PREP: variants seen among roughly 807,000 people sequenced by gnomAD.
PREP encodes the protein dJ355L5.1 (prolyl endopeptidase).
In PREP, 29 loss-of-function variants were observed where a neutral mutation model predicts 87.6. That is an observed-to-expected ratio of 0.33 (90% CI 0.25 to 0.45). The LOEUF is 0.45. Among genes scored for constraint, PREP ranks in the 20% least tolerant of loss-of-function variants. PREP has a pLI of 1.00. For missense variants in PREP, 695 were observed against 886.5 expected (o/e 0.78, Z 2.74); for synonymous variants, 337 against 328.6 (o/e 1.03, Z -0.28).
chr6:105,354,038 T>A (rs962022266), intron 6 of PREP, among the ~76,000 whole-genome samples: 1 of 152,180 alleles, frequency 6.6e-6, no homozygotes, highest in African/African-American at 2.4e-5. Context: ...TGACAAAAAA[T>A]GTGGTATCAA....
intron 7 of PREP, among the ~76,000 whole-genome samples, chr6:105,350,639 A>G (rs1771924853): frequency 6.6e-6 from 1 of 152,222 alleles, no homozygotes; most frequent in Non-Finnish European, 1.5e-5. Flanking sequence ...CCAGTGATCA[A>G]TTAAAAAGCA....
intron 6 of PREP, among the ~76,000 whole-genome samples, chr6:105,361,580 C>T (rs1014620967): frequency 6.6e-6 from 1 of 152,058 alleles, no homozygotes; most frequent in African/African-American, 2.4e-5. Flanking sequence ...AAAAAGCATT[C>T]TAAAAAGCAG....
At chr6:105,396,927 T>C (rs1403968773) in intron 2 of PREP, among the ~76,000 whole-genome samples, 2 of 152,092 alleles carry the variant, frequency 1.3e-5, no homozygotes, top group South Asian at 2.1e-4. Context: ...TGCACACTTG[T>C]AATCCCAACA....
chr6:105,396,668 A>C (rs750141552), intron 2 of PREP, among the ~76,000 whole-genome samples: 10 of 151,886 alleles, frequency 6.6e-5, no homozygotes, highest in Non-Finnish European at 1.5e-4. Context: ...GGCCTGAAAA[A>C]CTACCTAGAG....
chr6:105,357,303 TCAGA>T (rs1772124657), intron 6 of PREP, among the ~76,000 whole-genome samples: 1 of 152,228 alleles, frequency 6.6e-6, no homozygotes, highest in South Asian at 2.1e-4. Context: ...GATTCAGTCA[TCAGA>T]AAGATAGGGC....
At chr6:105,286,725 C>CA (rs1043957985) in intron 11 of PREP, among the ~76,000 whole-genome samples, 2 of 151,738 alleles carry the variant, frequency 1.3e-5, no homozygotes, top group African/African-American at 4.8e-5. Context: ...GTAGATGTAT[C>CA]AGACCATCCA....
At chr6:105,299,899 G>A (rs762757272) in intron 10 of PREP, among the ~76,000 whole-genome samples, 2 of 143,706 alleles carry the variant, frequency 1.4e-5, no homozygotes, top group Non-Finnish European at 3.0e-5. Flanking sequence ...TTGCTTCTCT[G>A]CTTTTTTTTT....
intron 8 of PREP, among the ~76,000 whole-genome samples, chr6:105,331,735 A>C (rs1233319819): frequency 6.6e-6 from 1 of 152,186 alleles, no homozygotes; most frequent in African/African-American, 2.4e-5. Flanking sequence ...TACTGAAATA[A>C]ATGGTCAAAA....
chr6:105,292,207 G>T (rs1425891362), intron 10 of PREP, among the ~76,000 whole-genome samples: 1 of 152,136 alleles, frequency 6.6e-6, no homozygotes. Context: ...CTTTCTAGAA[G>T]GTTTTCAATT....
At chr6:105,363,829 CA>C (rs1315565723) in intron 6 of PREP, among the ~76,000 whole-genome samples, 1 of 152,202 alleles carries the variant, frequency 6.6e-6, no homozygotes, top group South Asian at 2.1e-4. Context: ...CTTCTGGGAT[CA>C]AAAGCTTTGG....
intron 10 of PREP, among the ~76,000 whole-genome samples, chr6:105,301,165 C>T (rs1196735658): frequency 6.6e-6 from 1 of 152,246 alleles, no homozygotes; most frequent in Admixed American, 6.5e-5. Flanking sequence ...CTGCAAAGGG[C>T]AGCCCCTTCA....
intron 10 of PREP, among the ~76,000 whole-genome samples, chr6:105,291,116 T>C (rs1248379749): frequency 6.7e-6 from 1 of 148,266 alleles, no homozygotes; most frequent in African/African-American, 2.6e-5. Context: ...AAAAAATGCT[T>C]TATTGCTAAA....
chr6:105,336,345 C>T (rs1771477792), intron 7 of PREP, among the ~76,000 whole-genome samples: 1 of 152,184 alleles, frequency 6.6e-6, no homozygotes, highest in African/African-American at 2.4e-5. Context: ...ATATGCTAAA[C>T]ATGCCTATTA....
rs956627288 is a variant in PREP, at chr6:105,273,689, T to C, written c.*4455A>G. The stretch of plus-strand genomic sequence containing the variant: ...CCCGCTTTTCCCTAGGCTCTCCTGC[T>C]GTCAGTTTCCCACAGTGTTGTCGGC... On this transcript the variant is annotated 3_prime_UTR_variant, in exon 15 of 15. Coordinates refer to ENST00000652536, the MANE Select transcript of PREP (RefSeq NM_002726.5). 5 of 152,346 alleles carry C rather than the reference T, an allele frequency of 3.3e-5. No homozygotes were observed. Among genetic ancestry groups the C allele is most frequent in the Admixed American group, 3.3e-4 (5 of 15,280 alleles). The allele number at this position is 152,346 out of a possible 1,614,324, so 9.4% of individuals were successfully genotyped here.
chr6:105,280,393 C>CCAAACAAA (rs144303503), intron 14 of PREP, among the ~76,000 whole-genome samples: 2 of 151,932 alleles, frequency 1.3e-5, no homozygotes, highest in African/African-American at 4.8e-5. Context: ...AGTCTGAGAG[C>CCAAACAAA]CAAACACTGG....
At position 105,281,814 on chromosome 6, in the gene PREP, G is replaced by A. The variant is rs1223025952; in HGVS notation, c.1770C>T (p.Thr590=). The A allele has an allele frequency of 6.2e-7, 1 of 1,614,126 alleles. No homozygotes were observed. The highest frequency in any genetic ancestry group is 2.2e-5 in the East Asian group (1 of 44,882). The change falls in exon 14 of 15, where the codon ACC becomes ACT. Residue 590 remains threonine (T), a synonymous_variant. Coordinates refer to ENST00000652536, the MANE Select transcript of PREP (RefSeq NM_002726.5). ...VMDMLKFHKY[T]IGHAWTTDYG... ...AATCAGTGGTCCAAGCATGGCCGAT[G>A]GTATATTTATGAAACTTCAGCATGT...
intron 14 of PREP, 165 bp downstream of exon 14, chr6:105,281,581 A>T: frequency 1.2e-6 from 1 of 832,596 alleles, no homozygotes; most frequent in Non-Finnish European, 1.8e-6. Flanking sequence ...GTTCAAGACC[A>T]TATTAAATCA....
intron 6 of PREP, among the ~76,000 whole-genome samples, chr6:105,360,928 C>CACACACACATACATATGT (rs1772230714): frequency 6.6e-6 from 1 of 152,104 alleles, no homozygotes; most frequent in Non-Finnish European, 1.5e-5. Flanking sequence ...GAAGGCTTTA[C>CACACACACATACATATGT]ACACACACAT....
chr6:105,313,361 C>T (rs531577503), intron 10 of PREP, among the ~76,000 whole-genome samples: 36 of 152,332 alleles, frequency 2.4e-4, no homozygotes, highest in African/African-American at 3.8e-4. Context: ...ACAGCCCACA[C>T]GAAGCTCCTA....
Sources: gnomAD v4.1 joint callset for allele counts (sites outside exome capture counted in the v4.1 genomes callset) on GRCh38, gnomAD v4.1.1 for gene constraint, MANE v1.5 for transcripts, NCBI Gene and HGNC (gene_info 2026-07-23, HGNC 2026-07-21) for gene names.